RP1: variants seen among roughly 807,000 people sequenced by gnomAD.
The protein encoded by RP1 is RP1 axonemal microtubule associated, also known as oxygen-regulated protein 1.
In RP1, 16 loss-of-function variants were observed where a neutral mutation model predicts 14.8. The observed-to-expected ratio is 1.08, with a 90% CI of 0.73 to 1.65. The LOEUF is 1.65. Among genes scored for constraint, RP1 ranks in the 40% most tolerant of loss-of-function variants. The pLI, the probability that RP1 is intolerant of heterozygous loss-of-function variation, is 0.00. For synonymous variants in RP1, 876 were observed against 883.6 expected (o/e 0.99, Z 0.15); for missense variants, 2,631 against 2,535.0 (o/e 1.04, Z -0.81).
intron 24 of RP1, among the ~76,000 whole-genome samples, chr8:54,836,779 A>G (rs1811666856): frequency 6.6e-6 from 1 of 152,166 alleles, no homozygotes; most frequent in African/African-American, 2.4e-5. Context: ...AAGACAATAA[A>G]TGGGTCTTAT....
chr8:54,821,342 T>G (rs1229062571), intron 24 of RP1, among the ~76,000 whole-genome samples: 1 of 152,188 alleles, frequency 6.6e-6, no homozygotes, highest in Non-Finnish European at 1.5e-5. Context: ...TTTGGAAAGC[T>G]AAGGATAATC....
At chr8:54,764,349 T>C (rs1809713138) in intron 22 of RP1, among the ~76,000 whole-genome samples, 1 of 152,242 alleles carries the variant, frequency 6.6e-6, no homozygotes. Flanking sequence ...TGCTGTTGGA[T>C]CTGAGTTTAC....
At chr8:54,780,783 G>A (rs1379572727) in intron 23 of RP1, 1 of 199,432 alleles carries the variant, frequency 5.0e-6, no homozygotes, top group African/African-American at 2.4e-5. Flanking sequence ...TATTGGCGTT[G>A]GTATCTATGG....
intron 23 of RP1, among the ~76,000 whole-genome samples, chr8:54,781,518 T>G (rs1465187817): frequency 6.6e-6 from 1 of 152,184 alleles, no homozygotes; most frequent in Non-Finnish European, 1.5e-5. Flanking sequence ...ACTTGTAATT[T>G]TGGCACACAT....
exon 10 of RP1, chr8:54,679,420 A>G (rs1350692138): frequency 1.3e-6 from 2 of 1,535,646 alleles, no homozygotes; most frequent in South Asian, 1.2e-5. Flanking sequence ...CTTTTCACAG[A>G]TGGCTAGATC....
chr8:54,662,725 G>A (rs1241644874), intron 6 of RP1, among the ~76,000 whole-genome samples: 2 of 152,112 alleles, frequency 1.3e-5, no homozygotes, highest in African/African-American at 4.8e-5. Flanking sequence ...CAGGCTGGGG[G>A]ACTGCGGAGG....
intron 15 of RP1, among the ~76,000 whole-genome samples, chr8:54,711,207 G>A (rs1020050974): frequency 2.0e-5 from 3 of 152,060 alleles, no homozygotes; most frequent in East Asian, 1.9e-4. Context: ...TTAACGTTAA[G>A]GTTTTGAAGA....
At chr8:54,859,923 T>C (rs1812301367) in intron 27 of RP1, among the ~76,000 whole-genome samples, 1 of 152,154 alleles carries the variant, frequency 6.6e-6, no homozygotes, top group Non-Finnish European at 1.5e-5. Flanking sequence ...TTTAAAAAAT[T>C]ATTCTCAGAC....
intron 6 of RP1, among the ~76,000 whole-genome samples, chr8:54,656,828 T>G (rs1224913877): frequency 6.6e-6 from 1 of 150,952 alleles, no homozygotes; most frequent in Non-Finnish European, 1.5e-5. Flanking sequence ...ACGAGATTAT[T>G]AAATAGACAA....
chr8:54,622,393 A>C, intron 3 of RP1, 105 bp downstream of exon 3: 2 of 927,936 alleles, frequency 2.2e-6, no homozygotes, highest in South Asian at 2.7e-5. Context: ...TCCACCACAG[A>C]AACGAAAAGG....
chr8:54,593,824 CTAA>C (rs1213832996), intron 1 of RP1, among the ~76,000 whole-genome samples: 1 of 152,224 alleles, frequency 6.6e-6, no homozygotes, highest in Non-Finnish European at 1.5e-5. Context: ...CTGGCTCAGT[CTAA>C]TCCGTGGGGT....
intron 16 of RP1, among the ~76,000 whole-genome samples, chr8:54,721,496 G>A (rs894892278): frequency 1.3e-5 from 2 of 152,008 alleles, no homozygotes; most frequent in Non-Finnish European, 2.9e-5. Context: ...GAGATGAAAA[G>A]GTGAAAAAGA....
At chr8:54,809,189 AT>A (rs1810929808) in intron 24 of RP1, among the ~76,000 whole-genome samples, 1 of 152,150 alleles carries the variant, frequency 6.6e-6, no homozygotes, top group Non-Finnish European at 1.5e-5. Flanking sequence ...ACAAGATTGA[AT>A]TTGTTTTTGT....
downstream of RP1, among the ~76,000 whole-genome samples, chr8:54,632,532 C>T (rs754722398): frequency 6.6e-6 from 1 of 152,136 alleles, no homozygotes; most frequent in Non-Finnish European, 1.5e-5. Context: ...TGGTAAGTAC[C>T]TAATAAATGT....
chr8:54,657,594 G>A (rs1311876504), intron 6 of RP1, among the ~76,000 whole-genome samples: 1 of 151,798 alleles, frequency 6.6e-6, no homozygotes, highest in Non-Finnish European at 1.5e-5. Flanking sequence ...ATATCATTAC[G>A]AATAAGTTAA....
At chr8:54,591,379 T>C (rs1259807304) in intron 1 of RP1, among the ~76,000 whole-genome samples, 1 of 152,130 alleles carries the variant, frequency 6.6e-6, no homozygotes, top group African/African-American at 2.4e-5. Context: ...ACTCAGGGGC[T>C]TTGTACTTGC....
At chr8:54,716,086 G>A (rs1264301736) in intron 15 of RP1, among the ~76,000 whole-genome samples, 1 of 152,156 alleles carries the variant, frequency 6.6e-6, no homozygotes, top group Non-Finnish European at 1.5e-5. Context: ...TGATATTCAA[G>A]TTCATAAATC....
chr8:54,603,377 G>A (rs1393521097), intron 1 of RP1, among the ~76,000 whole-genome samples: 1 of 152,110 alleles, frequency 6.6e-6, no homozygotes, highest in Non-Finnish European at 1.5e-5. Flanking sequence ...TGAGGGCTCT[G>A]TTCTGTTCCG....
chr8:54,757,748 G>T (rs1423210939), intron 21 of RP1, among the ~76,000 whole-genome samples: 1 of 152,190 alleles, frequency 6.6e-6, no homozygotes, highest in Non-Finnish European at 1.5e-5. Flanking sequence ...GGATCCAGAG[G>T]TCATGGGATG....
Sources: gnomAD v4.1 joint callset for allele counts (sites outside exome capture counted in the v4.1 genomes callset) on GRCh38, gnomAD v4.1.1 for gene constraint, MANE v1.5 for transcripts, NCBI Gene and HGNC (gene_info 2026-07-23, HGNC 2026-07-21) for gene names.